CRISPLD2: variants seen among roughly 807,000 people sequenced by gnomAD.
CRISPLD2 encodes the protein cysteine-rich secretory protein LCCL domain-containing 2.
Under a neutral mutation model 71.1 loss-of-function variants are expected in CRISPLD2, and 47 were observed. The ratio of observed to expected loss-of-function variants is 0.66; its 90% CI spans 0.52 to 0.84. The LOEUF is 0.84. CRISPLD2 is among the 40% of genes least tolerant of loss of function. The pLI is 0.00. For synonymous variants in CRISPLD2, 317 were observed against 250.1 expected, an observed-to-expected ratio of 1.27 and a Z score of -2.52; for missense variants, 830 against 651.1, an observed-to-expected ratio of 1.27 and a Z score of -2.99.
chr16:84,904,658 C>T (rs1044815765), intron 14 of CRISPLD2, among the ~76,000 whole-genome samples: 8 of 150,966 alleles, frequency 5.3e-5, no homozygotes, highest in African/African-American at 1.9e-4. Flanking sequence ...AATAAATCAT[C>T]ACACTTCCAG....
At chr16:84,882,811 A>G (rs775157220) in intron 13 of CRISPLD2, among the ~76,000 whole-genome samples, 7 of 152,236 alleles carry the variant, frequency 4.6e-5, no homozygotes, top group Non-Finnish European at 7.3e-5. Flanking sequence ...AACAAGGCTC[A>G]TAGTAACCTG....
At chr16:84,867,849 G>A (rs1379301260) in intron 7 of CRISPLD2, among the ~76,000 whole-genome samples, 1 of 152,178 alleles carries the variant, frequency 6.6e-6, no homozygotes, top group Non-Finnish European at 1.5e-5. Context: ...GGGCACCTCA[G>A]CTCCCCAAGC....
intron 14 of CRISPLD2, among the ~76,000 whole-genome samples, chr16:84,896,751 A>G (rs938188814): frequency 2.0e-5 from 3 of 152,222 alleles, no homozygotes; most frequent in Non-Finnish European, 4.4e-5. Context: ...CTGTGTCCAC[A>G]GTCATGTATG....
intron 6 of CRISPLD2, among the ~76,000 whole-genome samples, chr16:84,865,643 G>C (rs747713767): frequency 6.6e-6 from 1 of 152,124 alleles, no homozygotes; most frequent in Non-Finnish European, 1.5e-5. Flanking sequence ...CATAAGTAAA[G>C]GTATTAAGTG....
rs1251864879 is a variant in CRISPLD2, at chr16:84,838,790, C to G, written c.240+55C>G. 3 of 1,561,706 alleles carry G rather than the reference C, an allele frequency of 1.9e-6. No homozygotes were observed. The East Asian group carries it at 7.1e-5, about 37-fold the overall frequency. ...GCACCGGGGGTGGGGCCTGGGCCAC[C>G]AGCCTGCTCTGTTCCCCAGCCAGCT... On this transcript the variant is annotated intron_variant, in intron 2 of 14. Transcript: ENST00000262424.
intron 14 of CRISPLD2, among the ~76,000 whole-genome samples, chr16:84,890,459 A>C (rs2071651879): frequency 6.6e-6 from 1 of 152,116 alleles, no homozygotes; most frequent in African/African-American, 2.4e-5. Context: ...GAAATCTATG[A>C]CCATAAGTCA....
chr16:84,885,659 G>C (rs879628430), intron 13 of CRISPLD2, among the ~76,000 whole-genome samples: 5 of 152,172 alleles, frequency 3.3e-5, no homozygotes, highest in Non-Finnish European at 7.3e-5. Context: ...TTAGAAAGTG[G>C]CCTTCAGTTA....
At chr16:84,897,662 G>C (rs114927297) in intron 14 of CRISPLD2, among the ~76,000 whole-genome samples, 4,980 of 152,142 alleles carry the variant, frequency 0.033, 269 homozygotes, top group African/African-American at 0.11. Context: ...TTTTGCCCAG[G>C]CTGGAGTGCA....
intron 14 of CRISPLD2, among the ~76,000 whole-genome samples, chr16:84,895,137 C>T (rs1310313180): frequency 1.3e-5 from 2 of 152,190 alleles, no homozygotes; most frequent in Non-Finnish European, 2.9e-5. Context: ...CCCAACAGCC[C>T]TGCAAAGTAG....
intron 3 of CRISPLD2, 124 bp from the exon 4 acceptor site, chr16:84,849,261 C>G (rs558190232): frequency 2.1e-6 from 2 of 945,436 alleles, no homozygotes; most frequent in Non-Finnish European, 3.1e-6. Context: ...CGTGGCTGCT[C>G]CTGGAATTGG....
chr16:84,882,899 C>G (rs965406482), intron 13 of CRISPLD2, among the ~76,000 whole-genome samples: 3 of 152,156 alleles, frequency 2.0e-5, no homozygotes, highest in Non-Finnish European at 4.4e-5. Context: ...CTGCTCTTTC[C>G]CTGGTGTATG....
In CRISPLD2 at chr16:84,895,777, A is replaced by C. The variant is rs545250532; in HGVS notation, c.1439+6414A>C. Among the ~76,000 whole-genome samples the C allele has an allele frequency of 3.3e-5, 5 of 152,296 alleles. No individual in the cohort carries two copies. The South Asian group carries it at 1.0e-3, about 32-fold the overall frequency. ...ACCTAGCAGGGGCGATGGCATTTGTAGCTCCCGGCTACTGAGCACCTGCTG... is the reference window on the plus strand; with the variant it reads ...ACCTAGCAGGGGCGATGGCATTTGTCGCTCCCGGCTACTGAGCACCTGCTG... On this transcript the variant is annotated intron_variant, in intron 14 of 14. Transcript: ENST00000262424.
intron 12 of CRISPLD2, among the ~76,000 whole-genome samples, chr16:84,878,798 C>A (rs566586793): frequency 6.6e-6 from 1 of 152,220 alleles, no homozygotes; most frequent in African/African-American, 2.4e-5. Context: ...TATAGATGTT[C>A]CCCAGGGTTC....
intron 13 of CRISPLD2, among the ~76,000 whole-genome samples, chr16:84,885,336 G>A (rs1865326497): frequency 6.6e-6 from 1 of 152,230 alleles, no homozygotes; most frequent in Non-Finnish European, 1.5e-5. Context: ...TCTTTGAGAT[G>A]GATGCAAAGT....
rs1917015740 is a variant in CRISPLD2 at position 84,849,433 on chromosome 16, G to A, written c.408G>A (p.Lys136=). ...TGCAGTCCTGGTATGACGAGGTGAA[G>A]GACTACACCTACCCCTACCCGAGCG... ...FHVQSWYDEV[K]DYTYPYPSEC... is the part of the protein sequence containing the mutation. The change falls in exon 4 of 15, where the codon AAG becomes AAA. Residue 136 remains lysine (K), a synonymous_variant. Coordinates refer to ENST00000262424, the MANE Select transcript of CRISPLD2 (RefSeq NM_031476.4). 6.2e-7 allele frequency: 1 copy of A among 1,614,152 alleles called. No homozygotes were observed. Among genetic ancestry groups the A allele is most frequent in the East Asian group, 2.2e-5 (1 of 44,884 alleles).
intron 1 of CRISPLD2, among the ~76,000 whole-genome samples, chr16:84,828,502 T>C (rs1216767293): frequency 6.6e-6 from 1 of 152,122 alleles, no homozygotes; most frequent in Non-Finnish European, 1.5e-5. Context: ...CCTCATTGCC[T>C]TCTGGGAGTC....
intron 6 of CRISPLD2, among the ~76,000 whole-genome samples, chr16:84,863,848 A>G (rs1917458412): frequency 6.6e-6 from 1 of 151,746 alleles, no homozygotes; most frequent in Admixed American, 6.6e-5. Flanking sequence ...CATGCCTGTA[A>G]TCCCAGGCTG....
intron 1 of CRISPLD2, among the ~76,000 whole-genome samples, chr16:84,823,594 T>C (rs1346891550): frequency 6.6e-6 from 1 of 152,212 alleles, no homozygotes; most frequent in Non-Finnish European, 1.5e-5. Context: ...CAGGGAATCC[T>C]GAGACATCGC....
chr16:84,897,535 C>G (rs1420675858), intron 14 of CRISPLD2, among the ~76,000 whole-genome samples: 9 of 152,200 alleles, frequency 5.9e-5, no homozygotes, highest in Admixed American at 5.9e-4. Flanking sequence ...TACCCAGAAA[C>G]AACCTCTGTA....
Sources: gnomAD v4.1 joint callset for allele counts (sites outside exome capture counted in the v4.1 genomes callset) on GRCh38, gnomAD v4.1.1 for gene constraint, MANE v1.5 for transcripts, NCBI Gene and HGNC (gene_info 2026-07-23, HGNC 2026-07-21) for gene names.